SEMA6D: variants seen among roughly 807,000 people sequenced by gnomAD.
The protein encoded by SEMA6D is semaphorin-6D.
A neutral mutation model predicts 106.6 loss-of-function variants in SEMA6D; 35 were observed. The observed-to-expected ratio is 0.33, with a 90% CI of 0.25 to 0.44. The LOEUF is 0.44. SEMA6D is among the 20% of genes least tolerant of loss of function. The pLI is 1.00. For missense variants in SEMA6D, 1,185 were observed against 1,345.9 expected, an observed-to-expected ratio of 0.88 and a Z score of 1.87; for synonymous variants, 499 against 487.7, an observed-to-expected ratio of 1.02 and a Z score of -0.31.
chr15:47,584,759 G>A (rs878908809), intron 3 of SEMA6D, among the ~76,000 whole-genome samples: 3 of 152,104 alleles, frequency 2.0e-5, no homozygotes, highest in Admixed American at 2.0e-4. Context: ...ATACCCCCAG[G>A]GCAAAGCAGC....
chr15:47,655,352 GA>G lies in SEMA6D; in HGVS notation c.-55+54459del, dbSNP rs536386071. On this transcript the variant is annotated intron_variant, in intron 4 of 19. Transcript: ENST00000558014. ...TTTAACTTCCCAGGGATTTTGATGT[GA>G]AACCAGGGTTGAGGACTGTTGTCAT... Among the ~76,000 whole-genome samples, 9 of 152,304 alleles carry G rather than the reference GA, an allele frequency of 5.9e-5. No individual in the cohort carries two copies. In the South Asian group the frequency reaches 1.9e-3, roughly 32 times the overall value.
intron 2 of SEMA6D, among the ~76,000 whole-genome samples, chr15:47,468,179 G>A (rs994556160): frequency 2.2e-4 from 33 of 151,998 alleles, no homozygotes; most frequent in Non-Finnish European, 8.8e-5. Context: ...GTTTGTGTGC[G>A]GGTGTGTGTG....
At chr15:47,392,206 A>G (rs2040059208) in intron 1 of SEMA6D, among the ~76,000 whole-genome samples, 1 of 152,186 alleles carries the variant, frequency 6.6e-6, no homozygotes, top group African/African-American at 2.4e-5. Flanking sequence ...GCACATAACT[A>G]GTACCATTCT....
At chr15:47,368,509 C>T (rs897014112) in intron 1 of SEMA6D, among the ~76,000 whole-genome samples, 5 of 151,896 alleles carry the variant, frequency 3.3e-5, no homozygotes, top group African/African-American at 7.3e-5. Context: ...CTCGCTCTGT[C>T]GCCCAGGCTG....
At chr15:47,724,891 C>T (rs1398904782) in intron 1 of SEMA6D, among the ~76,000 whole-genome samples, 1 of 152,158 alleles carries the variant, frequency 6.6e-6, no homozygotes, top group African/African-American at 2.4e-5. Flanking sequence ...CATCAGCTGC[C>T]AACTGGTTCA....
chr15:47,570,012 G>T (rs113268332), intron 3 of SEMA6D, among the ~76,000 whole-genome samples: 10,025 of 148,940 alleles, frequency 0.067, 513 homozygotes, highest in East Asian at 0.24. Flanking sequence ...AGTGACCCGA[G>T]ATCGCACCAC....
chr15:47,486,709 T>C (rs2043307128), intron 3 of SEMA6D, among the ~76,000 whole-genome samples: 1 of 152,236 alleles, frequency 6.6e-6, no homozygotes, highest in African/African-American at 2.4e-5. Flanking sequence ...AGGAAAGTCT[T>C]TGTAACTGAG....
At chr15:47,255,519 A>G (rs1479266735) in intron 1 of SEMA6D, among the ~76,000 whole-genome samples, 1 of 151,978 alleles carries the variant, frequency 6.6e-6, no homozygotes, top group Non-Finnish European at 1.5e-5. Context: ...TTGAGACGTA[A>G]CATTAGGTTA....
At chr15:47,509,829 A>G (rs1318613493) in intron 3 of SEMA6D, among the ~76,000 whole-genome samples, 1 of 152,210 alleles carries the variant, frequency 6.6e-6, no homozygotes, top group African/African-American at 2.4e-5. Flanking sequence ...TTCAGGCCAT[A>G]TCCAAACTGA....
Position 47,352,862 on chromosome 15 carries a change from T to G in SEMA6D, c.-238-59531T>G, listed in dbSNP as rs145353117. ...CAAGAGGGTTTATCTCCTTGCTTCC[T>G]GCCTATGCAGTTAACATCATGTAGA... On this transcript the variant is annotated intron_variant, in intron 1 of 19. Transcript: ENST00000558014. Among the ~76,000 whole-genome samples, 254 of 152,326 alleles carry G rather than the reference T, an allele frequency of 1.7e-3. 12 individuals are homozygous for G. The East Asian group carries it at 0.043, about 26-fold the overall frequency.
At chr15:47,261,273 C>A (rs2034065158) in intron 1 of SEMA6D, among the ~76,000 whole-genome samples, 1 of 152,114 alleles carries the variant, frequency 6.6e-6, no homozygotes, top group African/African-American at 2.4e-5. Flanking sequence ...CTGTTTTGCT[C>A]TCTATTGTAT....
In SEMA6D at chr15:47,772,063, G is replaced by C; in HGVS notation, c.*278G>C. 2.4e-6 allele frequency: 1 copy of C among 414,532 alleles called. No homozygotes were observed. The highest frequency in any genetic ancestry group is 4.3e-6 in the Non-Finnish European group (1 of 230,720). 25.7% of individuals were successfully genotyped at this position (414,532 alleles called of 1,614,324 possible). ...GTAGCTCACAGGGGCTACCTTACCA[G>C]TATAAAGAGCTGATAACAGTACTCA... On this transcript the variant is annotated 3_prime_UTR_variant, in exon 19 of 19. Transcript: ENST00000536845.
intron 1 of SEMA6D, among the ~76,000 whole-genome samples, chr15:47,263,959 T>G (rs2034195962): frequency 6.6e-6 from 1 of 151,224 alleles, no homozygotes; most frequent in Non-Finnish European, 1.5e-5. Context: ...TGCCCATCAA[T>G]GACAAATTGG....
intron 1 of SEMA6D, among the ~76,000 whole-genome samples, chr15:47,719,802 C>A (rs1034229399): frequency 6.6e-6 from 1 of 152,108 alleles, no homozygotes; most frequent in Non-Finnish European, 1.5e-5. Context: ...AAAATAAATC[C>A]CCTTACTCTC....
chr15:47,724,074 A>G (rs1175936147), intron 1 of SEMA6D, among the ~76,000 whole-genome samples: 1 of 152,240 alleles, frequency 6.6e-6, no homozygotes, highest in Non-Finnish European at 1.5e-5. Flanking sequence ...ACTTGTTAGT[A>G]TAAGGGTCTT....
chr15:47,291,957 TTGA>T (rs2035609240), intron 1 of SEMA6D, among the ~76,000 whole-genome samples: 1 of 152,222 alleles, frequency 6.6e-6, no homozygotes, highest in African/African-American at 2.4e-5. Context: ...GCTCCACCTG[TTGA>T]TATGTTTGTA....
At chr15:47,235,251 A>G (rs948360071) in intron 1 of SEMA6D, among the ~76,000 whole-genome samples, 5 of 151,912 alleles carry the variant, frequency 3.3e-5, no homozygotes, top group Middle Eastern at 3.2e-3. Context: ...CCTTTGTCAG[A>G]TACATAATTT....
chr15:47,552,039 CA>C (rs148219211), intron 3 of SEMA6D, among the ~76,000 whole-genome samples: 11 of 149,858 alleles, frequency 7.3e-5, no homozygotes, highest in Non-Finnish European at 1.5e-4. Context: ...AGGAAACAGA[CA>C]AAAAAAAAGA....
At chr15:47,230,712 T>G (rs1269513456) in intron 1 of SEMA6D, among the ~76,000 whole-genome samples, 1 of 151,980 alleles carries the variant, frequency 6.6e-6, no homozygotes, top group Non-Finnish European at 1.5e-5. Context: ...TAAATGCACA[T>G]TCTTAGGCCC....
Sources: allele counts gnomAD v4.1 joint callset (sites outside exome capture counted in the v4.1 genomes callset), GRCh38; gene constraint gnomAD v4.1.1; transcripts MANE v1.5; gene names NCBI Gene and HGNC (gene_info 2026-07-23, HGNC 2026-07-21).